The following FER1L5 variants were observed in gnomAD, a reference collection of about 807,000 sequenced individuals.
FER1L5 encodes the protein fer-1 like family member 5, also known as fer-1-like protein 5.
In FER1L5, 187 loss-of-function variants were observed where a neutral mutation model predicts 279.9. That is an observed-to-expected ratio of 0.67 (90% confidence interval 0.59 to 0.75). The LOEUF is 0.75. Among genes scored for constraint, FER1L5 ranks in the 30% least tolerant of loss-of-function variants. The probability of loss-of-function intolerance (pLI) is 0.00; values close to 1 mark genes in which losing one functional copy is unlikely to be tolerated. For synonymous variants in FER1L5, 921 were observed against 989.7 expected (o/e 0.93, Z 1.30); for missense variants, 2,091 against 2,594.4 (o/e 0.81, Z 4.21).
In FER1L5 at chr2:96,689,615, C is replaced by T; in HGVS notation, c.2526-29C>T. On this transcript the variant is annotated intron_variant, in intron 25 of 52. Coordinates refer to ENST00000624922, the MANE Select transcript of FER1L5 (RefSeq NM_001293083.2). The surrounding 1 kb of genome is among the most constrained non-coding windows in gnomAD (Gnocchi z 4.6). ...CCTAGGGGCTGCTTGGGGAGTTGTG[C>T]TGGGAACTTGGGGTCTCATTACCCC... 1 of 1,541,610 alleles carries T rather than the reference C, an allele frequency of 6.5e-7. No individual in the cohort carries two copies. Among genetic ancestry groups the T allele is most frequent in the Non-Finnish European group, 8.8e-7 (1 of 1,138,712 alleles).
chr2:96,704,876 C>G lies in FER1L5; in HGVS notation c.*184C>G. 1 of 606,692 alleles carries G rather than the reference C, an allele frequency of 1.6e-6. No individual in the cohort carries two copies. The highest frequency in any genetic ancestry group is 2.9e-6 in the Non-Finnish European group (1 of 346,690). 37.6% of individuals were successfully genotyped at this position (606,692 alleles called of 1,614,324 possible). ...AATTTTCCACTGAAATAAACAAGTT[C>G]TATAACAGAGAGCCATCTTGTAATT... On this transcript the variant is annotated 3_prime_UTR_variant, in exon 53 of 53. Transcript: ENST00000624922.
intron 32 of FER1L5, 97 bp from the exon 33 acceptor site, chr2:96,693,814 A>C (rs2077251346): frequency 6.8e-7 from 1 of 1,473,648 alleles, no homozygotes; most frequent in Non-Finnish European, 9.0e-7. Context: ...GCACCATGGA[A>C]ATTCACCTGC....
chr2:96,698,716 A>C lies in FER1L5; in HGVS notation c.4402A>C (p.Lys1468Gln). 6.3e-7 allele frequency: 1 copy of C among 1,583,500 alleles called. No homozygotes were observed. The highest frequency in any genetic ancestry group is 8.6e-7 in the Non-Finnish European group (1 of 1,165,656). Residue 1468 changes from lysine to glutamine, a missense_variant, in exon 41 of 53, where the codon AAG (lysine) becomes CAG (glutamine). Lys to Gln is a moderately conservative substitution (Grantham distance 53). Coordinates refer to ENST00000624922, the MANE Select transcript of FER1L5 (RefSeq NM_001293083.2). This position sits in a 1 kb window ranked among gnomAD's most constrained non-coding sequence, Gnocchi z 5.5. ...YPFPENPEAP[K>Q]PPLQFLVWPE... Reference sequence around the variant, plus strand: ...CTTTCCTGAGAATCCAGAAGCCCCAAAGCCCCCGCTGCAGTTCTTGGTTTG... The same window carrying C: ...CTTTCCTGAGAATCCAGAAGCCCCACAGCCCCCGCTGCAGTTCTTGGTTTG...
intron 42 of FER1L5, 84 bp from the exon 43 acceptor site, chr2:96,699,466 C>G: frequency 6.9e-7 from 1 of 1,440,644 alleles, no homozygotes. Flanking sequence ...AAACAAGGGG[C>G]CTACGGGGCC....
At chr2:96,643,027 T>C in intron 1 of FER1L5, 106 bp downstream of exon 1, 3 of 930,346 alleles carry the variant, frequency 3.2e-6, no homozygotes, top group East Asian at 3.0e-5. Context: ...AGATGCCCTG[T>C]GTAACACAAA....
chr2:96,685,429 A>G lies in FER1L5; in HGVS notation c.1895A>G (p.Lys632Arg). The part of the protein sequence containing the change: ...KLLRELAEDC[K>R]RPLPCMTYQP... ...CTGAGGGAGCTGGCAGAGGACTGCA[A>G]GTAGGAGTAGGGGCACTCCGGGATA... The change falls in exon 21 of 53, where the codon AAG becomes AGG. Residue 632 changes from lysine (K) to arginine (R), a missense_variant and splice_region_variant. Lys to Arg is a conservative substitution (Grantham distance 26). Transcript: ENST00000624922. 1 of 1,549,806 alleles carries G rather than the reference A, an allele frequency of 6.5e-7. No individual in the cohort carries two copies. The highest frequency in any genetic ancestry group is 8.7e-7 in the Non-Finnish European group (1 of 1,146,398).
chr2:96,667,738 A>G (rs1214405973), intron 14 of FER1L5, among the ~76,000 whole-genome samples: 1 of 152,184 alleles, frequency 6.6e-6, no homozygotes, highest in East Asian at 1.9e-4. Flanking sequence ...CGGCCTCTCC[A>G]TGAGATGGTT....
At chr2:96,667,365 G>A (rs966928493) in intron 14 of FER1L5, among the ~76,000 whole-genome samples, 1 of 82,902 alleles carries the variant, frequency 1.2e-5, no homozygotes, top group Non-Finnish European at 2.5e-5. Context: ...TTTTTTTTTT[G>A]AGACGGAGTT....
chr2:96,688,684 G>T (rs1235301274), intron 24 of FER1L5, among the ~76,000 whole-genome samples: 1 of 152,148 alleles, frequency 6.6e-6, no homozygotes, highest in Non-Finnish European at 1.5e-5. Context: ...AGCTCCGTAG[G>T]TCTTGGAGGC....
rs772343989 is a variant in FER1L5 at position 96,702,757 on chromosome 2, C to T, written c.5397+16C>T. On this transcript the variant is annotated intron_variant, in intron 48 of 52. Transcript: ENST00000624922. The surrounding 1 kb of genome is among the most constrained non-coding windows in gnomAD (Gnocchi z 4.0). ...GAGCCAGAAGGTAACAGGCCTGGGG[C>T]GTGAGGGGCAACAGGCCACAACAAA... 1.4e-5 allele frequency: 23 copies of T among 1,611,468 alleles called. No individual in the cohort carries two copies. In the African/African-American group the frequency reaches 2.3e-4, roughly 16 times the overall value.
At position 96,646,393 on chromosome 2, in the gene FER1L5, C is replaced by T. The variant is rs1326935967; in HGVS notation, c.86-8C>T. Reference sequence around the variant, plus strand: ...ACCATCAATGCCAGCCTCTTGGTTTCTTTGCAGATATCAAGAAAAGAACTC... The same window carrying T: ...ACCATCAATGCCAGCCTCTTGGTTTTTTTGCAGATATCAAGAAAAGAACTC... On this transcript the variant is annotated splice_polypyrimidine_tract_variant and splice_region_variant and intron_variant, in intron 1 of 52. Transcript: ENST00000624922. 3 of 1,551,534 alleles carry T rather than the reference C, an allele frequency of 1.9e-6. No individual in the cohort carries two copies. In the Admixed American group the frequency reaches 5.9e-5, roughly 30 times the overall value.
Position 96,700,039 on chromosome 2 carries a change from C to A in FER1L5, c.4889C>A (p.Ala1630Asp). 2 of 1,613,976 alleles carry A rather than the reference C, an allele frequency of 1.2e-6. No homozygotes were observed. The highest frequency in any genetic ancestry group is 1.7e-6 in the Non-Finnish European group (2 of 1,179,912). Residue 1630 changes from alanine to aspartate, a missense_variant, in exon 44 of 53, where the codon GCT (alanine) becomes GAT (aspartate). Transcript: ENST00000624922. ...CCTCTGTTCAGTCCTGAGGAAGATG[C>A]TGTTTTCTATAATGGGAAAAAGTTC... ...PPPLFSPEED[A>D]VFYNGKKFKL...
rs1356608811 is a variant in FER1L5 at position 96,650,140 on chromosome 2, C to T, written c.395-40C>T. 2.7e-6 allele frequency: 4 copies of T among 1,475,178 alleles called. No individual in the cohort carries two copies. In the African/African-American group the frequency reaches 5.6e-5, roughly 21 times the overall value. The allele number at this position is 1,475,178 out of a possible 1,614,324, so 91.4% of individuals were successfully genotyped here. ...GGGAAAATACCTCAAACCTCCTGGG[C>T]CCCAGGCCTCTGACCCCACCCTGCA... is the stretch of plus-strand genomic sequence containing the variant. On this transcript the variant is annotated intron_variant, in intron 5 of 52. Coordinates refer to ENST00000624922, the MANE Select transcript of FER1L5 (RefSeq NM_001293083.2).
At chr2:96,699,869 A>G (rs1428794968) in intron 43 of FER1L5, 63 bp from the exon 44 acceptor site, 2 of 1,594,134 alleles carry the variant, frequency 1.3e-6, no homozygotes, top group Non-Finnish European at 1.7e-6. Flanking sequence ...GTCAACCTGC[A>G]GCTCACAGCA....
At chr2:96,646,510 A>G (rs2075136987) in intron 2 of FER1L5, 57 bp downstream of exon 2, 9 of 1,526,312 alleles carry the variant, frequency 5.9e-6, no homozygotes, top group Non-Finnish European at 7.1e-6. Context: ...CAAGGGGGCA[A>G]GGGTGGGGTC....
rs1366506194 is a variant in FER1L5, at chr2:96,690,678, C to T, written c.2743+89C>T. 4.0e-6 allele frequency: 5 copies of T among 1,245,962 alleles called. No homozygotes were observed. The African/African-American group carries it at 6.0e-5, about 15-fold the overall frequency. The allele number at this position is 1,245,962 out of a possible 1,614,324, so 77.2% of individuals were successfully genotyped here. On this transcript the variant is annotated intron_variant, in intron 27 of 52. Coordinates refer to ENST00000624922, the MANE Select transcript of FER1L5 (RefSeq NM_001293083.2). ...AGGGTGGGATCAGAGCAGCCAAGCC[C>T]TCCATGGTATACGCCTAAATTCCTG... is the stretch of plus-strand genomic sequence containing the variant.
intron 9 of FER1L5, among the ~76,000 whole-genome samples, chr2:96,659,818 C>T (rs530031481): frequency 1.8e-4 from 28 of 152,088 alleles, no homozygotes; most frequent in African/African-American, 6.3e-4. Context: ...ATGGGTTGTG[C>T]TGTGTTGCTG....
At chr2:96,643,704 G>GT (rs2074984297) in intron 1 of FER1L5, among the ~76,000 whole-genome samples, 2 of 151,612 alleles carry the variant, frequency 1.3e-5, no homozygotes, top group Admixed American at 1.3e-4. Context: ...AATTCCAGAG[G>GT]TAAATGAAGC....
In FER1L5 at chr2:96,697,532, G is replaced by A. The variant is rs1040185784; in HGVS notation, c.4090G>A (p.Gly1364Ser). Reference sequence around the variant, plus strand: ...TCACCCTCTCCTTTTTCAGTTCCTAGGCTACCTCTACAGAAAGTTCTGGTT... The same window carrying A: ...TCACCCTCTCCTTTTTCAGTTCCTAAGCTACCTCTACAGAAAGTTCTGGTT... The part of the protein sequence containing the change: ...LSEKKHQDFL[G>S]YLYRKFWFKS... Residue 1364 changes from glycine to serine, a missense_variant, in exon 38 of 53, where the codon GGC becomes AGC. Coordinates refer to ENST00000624922, the MANE Select transcript of FER1L5 (RefSeq NM_001293083.2). The A allele has an allele frequency of 2.5e-6, 4 of 1,613,302 alleles. No homozygotes were observed. Among genetic ancestry groups the A allele is most frequent in the African/African-American group, 1.3e-5 (1 of 74,912 alleles).
Sources: gnomAD v4.1 joint callset for allele counts (sites outside exome capture counted in the v4.1 genomes callset) on GRCh38, gnomAD v4.1.1 for gene constraint, Gnocchi (gnomAD v3.1) non-coding constraint, MANE v1.5 for transcripts, NCBI Gene and HGNC (gene_info 2026-07-23, HGNC 2026-07-21) for gene names.